PGBD2: variants seen among roughly 807,000 people sequenced by gnomAD.
The protein encoded by PGBD2 is piggyBac transposable element-derived protein 2.
Under a neutral mutation model 8.1 loss-of-function variants are expected in PGBD2, and 6 were observed. The observed-to-expected ratio is 0.74, with a 90% CI of 0.40 to 1.46. The LOEUF is 1.46. Among genes scored for constraint, PGBD2 ranks in the 40% most tolerant of loss-of-function variants. PGBD2 has a pLI of 0.02. For synonymous variants in PGBD2, 318 were observed against 272.2 expected (o/e 1.17, Z -1.66); for missense variants, 802 against 739.0 (o/e 1.09, Z -0.99).
chr1:248,876,932 A>G, the PGBD2 span, among the ~76,000 whole-genome samples: 1 of 152,146 alleles, frequency 6.6e-6, no homozygotes, highest in African/African-American at 2.4e-5. Flanking sequence ...GTCATTTTGT[A>G]TGTGATTGTA....
At chr1:248,907,648 AC>A (rs763904455) in intron 1 of PGBD2, among the ~76,000 whole-genome samples, 22 of 152,170 alleles carry the variant, frequency 1.4e-4, no homozygotes, top group Admixed American at 2.0e-4. Context: ...AATGGTGATG[AC>A]TTTTACCAAG....
the PGBD2 span, among the ~76,000 whole-genome samples, chr1:248,883,595 T>C: frequency 2.9e-5 from 4 of 140,254 alleles, no homozygotes; most frequent in Non-Finnish European, 6.1e-5. Context: ...TTTTTTTTTT[T>C]TTTTTTTTTT....
In PGBD2 at chr1:248,916,846, G is replaced by A; in HGVS notation, c.262G>A (p.Glu88Lys). The change falls in exon 3 of 3, where the codon GAG becomes AAG. Residue 88 changes from glutamate (E) to lysine (K), a missense_variant. Physicochemically the swap from Glu to Lys is moderately conservative, Grantham distance 56 (BLOSUM62 1). Coordinates refer to ENST00000329291, the MANE Select transcript of PGBD2 (RefSeq NM_170725.3). ...SVLCEDSGTG[E>K]DNDDLELQPA... is the part of the protein sequence containing the mutation. The stretch of plus-strand genomic sequence containing the variant: ...CCTGTGTGAGGACTCTGGCACCGGG[G>A]AGGATAATGACGACCTGGAGCTGCA... 6.2e-7 allele frequency: 1 copy of A among 1,614,146 alleles called. No individual in the cohort carries two copies. Among genetic ancestry groups the A allele is most frequent in the Non-Finnish European group, 8.5e-7 (1 of 1,180,024 alleles).
At chr1:248,920,481 CT>C (rs761474499), downstream of PGBD2, among the ~76,000 whole-genome samples, 50 of 152,188 alleles carry the variant, frequency 3.3e-4, no homozygotes, top group African/African-American at 1.1e-3. Flanking sequence ...TGAACTCATC[CT>C]TTTTTTATGG....
the PGBD2 span, among the ~76,000 whole-genome samples, chr1:248,926,624 C>T: frequency 6.6e-6 from 1 of 152,208 alleles, no homozygotes; most frequent in Admixed American, 6.5e-5. Context: ...TGTTATTACT[C>T]ACTAAACACA....
Position 248,918,267 on chromosome 1 carries a change from C to G in PGBD2, c.1683C>G (p.Thr561=). 2 of 1,611,542 alleles carry G rather than the reference C, an allele frequency of 1.2e-6. No individual in the cohort carries two copies. The highest frequency in any genetic ancestry group is 8.5e-7 in the Non-Finnish European group (1 of 1,178,662). Residue 561 remains threonine (T), a synonymous_variant, in exon 3 of 3, where the codon ACC becomes ACG. Coordinates refer to ENST00000329291, the MANE Select transcript of PGBD2 (RefSeq NM_170725.3). ...GGATTATCCATCAGGACAAGAGGAC[C>G]CGGTGTGCCCTCTGCCACTCACAGA... ...GHWIIHQDKR[T]RCALCHSQTN... is the part of the protein sequence containing the mutation.
chr1:248,916,920 G>A lies in PGBD2; in HGVS notation c.336G>A (p.Trp112Ter), dbSNP rs780446753. 1 of 1,613,880 alleles carries A rather than the reference G, an allele frequency of 6.2e-7. No individual in the cohort carries two copies. The highest frequency in any genetic ancestry group is 1.7e-5 in the Admixed American group (1 of 60,002). The change falls in exon 3 of 3, where the codon TGG becomes TGA. Residue 112 changes from tryptophan (W) to a stop codon, truncating the protein, a stop_gained. Transcript: ENST00000329291. LOFTEE classifies it low-confidence loss of function (END_TRUNC). ...CAGTTGTGAAACCTCAGCGCATTTG[G>A]ACCAAAAGAGATATTCGTCCAGACT... ...QKAVVKPQRI[W>*]TKRDIRPDFG...
intron 2 of PGBD2, among the ~76,000 whole-genome samples, chr1:248,915,051 C>A (rs1383978548): frequency 1.3e-5 from 2 of 152,238 alleles, no homozygotes; most frequent in East Asian, 3.8e-4. Flanking sequence ...CCTTCTCTCA[C>A]CATTCTGTCC....
the PGBD2 span, among the ~76,000 whole-genome samples, chr1:248,880,271 AT>A: frequency 6.6e-6 from 1 of 152,184 alleles, no homozygotes; most frequent in Non-Finnish European, 1.5e-5. Flanking sequence ...TTTTGGACCA[AT>A]TTGGATACCT....
At chr1:248,898,987 A>G in the PGBD2 span, among the ~76,000 whole-genome samples, 1 of 152,214 alleles carries the variant, frequency 6.6e-6, no homozygotes, top group Non-Finnish European at 1.5e-5. Context: ...TTAAACCAAC[A>G]GAGATTAAAA....
At chr1:248,902,418 A>G (rs573631994), upstream of PGBD2, among the ~76,000 whole-genome samples, 4 of 152,370 alleles carry the variant, frequency 2.6e-5, no homozygotes, top group Admixed American at 6.5e-5. Context: ...CAGTTCAACC[A>G]TTGTGAAAGA....
the PGBD2 span, among the ~76,000 whole-genome samples, chr1:248,895,538 G>A: frequency 8.6e-5 from 13 of 151,722 alleles, no homozygotes; most frequent in African/African-American, 2.9e-4. Context: ...GATATTTAAG[G>A]CTTGCAGGGT....
chr1:248,882,329 A>C, the PGBD2 span, among the ~76,000 whole-genome samples: 3 of 152,224 alleles, frequency 2.0e-5, no homozygotes, highest in African/African-American at 7.2e-5. Context: ...TTAACATAAC[A>C]TCTGTATGCA....
At chr1:248,925,089 G>A in the PGBD2 span, among the ~76,000 whole-genome samples, 1 of 152,032 alleles carries the variant, frequency 6.6e-6, no homozygotes, top group Non-Finnish European at 1.5e-5. Context: ...CATTGCATTT[G>A]CCTTTTGGCA....
upstream of PGBD2, among the ~76,000 whole-genome samples, chr1:248,905,539 C>T (rs545865065): frequency 5.3e-5 from 8 of 152,178 alleles, no homozygotes; most frequent in South Asian, 1.5e-3. Flanking sequence ...GCTCAATATC[C>T]TACAATTAAG....
At chr1:248,928,425 C>T in the PGBD2 span, among the ~76,000 whole-genome samples, 2 of 152,142 alleles carry the variant, frequency 1.3e-5, no homozygotes, top group Non-Finnish European at 2.9e-5. Context: ...TTGTTTTAAT[C>T]TCAGTGACAA....
At chr1:248,928,294 G>A in the PGBD2 span, among the ~76,000 whole-genome samples, 45 of 152,300 alleles carry the variant, frequency 3.0e-4, no homozygotes, top group African/African-American at 1.1e-3. Context: ...CTTGCACACA[G>A]CAACAGACAA....
chr1:248,885,110 G>T, the PGBD2 span, among the ~76,000 whole-genome samples: 1 of 152,016 alleles, frequency 6.6e-6, no homozygotes, highest in East Asian at 1.9e-4. Context: ...GGTCTCTTCT[G>T]TCATTGGAGG....
chr1:248,876,623 T>G, the PGBD2 span, among the ~76,000 whole-genome samples: 1 of 152,236 alleles, frequency 6.6e-6, no homozygotes, highest in African/African-American at 2.4e-5. Flanking sequence ...CCATGTAACC[T>G]TATTCCATGA....
Sources: gnomAD v4.1 joint callset for allele counts (sites outside exome capture counted in the v4.1 genomes callset) on GRCh38, gnomAD v4.1.1 for gene constraint, MANE v1.5 for transcripts, NCBI Gene and HGNC (gene_info 2026-07-23, HGNC 2026-07-21) for gene names.